The following SPAG16 variants were observed in gnomAD, a reference collection of about 807,000 sequenced individuals.
SPAG16 encodes the protein sperm-associated antigen 16 protein.
In SPAG16, 86 loss-of-function variants were observed where a neutral mutation model predicts 80.4. That is an observed-to-expected ratio of 1.07 (90% CI 0.90 to 1.28). The LOEUF (loss-of-function observed/expected upper bound fraction) is 1.28. Among genes scored for constraint, SPAG16 ranks in the 50% most tolerant of loss-of-function variants. The probability of loss-of-function intolerance (pLI) is 0.00; values close to 1 mark genes in which losing one functional copy is unlikely to be tolerated. For missense variants in SPAG16, 870 were observed against 765.3 expected (o/e 1.14, Z -1.61); for synonymous variants, 294 against 265.9 (o/e 1.11, Z -1.03).
chr2:214,095,835 C>T (rs1281722121), intron 13 of SPAG16, among the ~76,000 whole-genome samples: 1 of 151,972 alleles, frequency 6.6e-6, no homozygotes, highest in Non-Finnish European at 1.5e-5. Flanking sequence ...TAAGATAGTA[C>T]ATCTCTTGTG....
chr2:213,371,724 A>T lies in SPAG16; in HGVS notation c.833-3286A>T, dbSNP rs571220730. Among the ~76,000 whole-genome samples, 257 of 152,172 alleles carry T rather than the reference A, an allele frequency of 1.7e-3. 1 individual carries two copies. The highest frequency in any genetic ancestry group is 5.8e-3 in the African/African-American group (241 of 41,542). ...AGACACATTAATTGTTATTTAATCT[A>T]AATTTAGGGAATAAGATGCAAATTG... On this transcript the variant is annotated intron_variant, in intron 8 of 15. Transcript: ENST00000331683.
chr2:214,112,250 A>T (rs2053702867), intron 14 of SPAG16, among the ~76,000 whole-genome samples: 1 of 152,138 alleles, frequency 6.6e-6, no homozygotes, highest in Admixed American at 6.5e-5. Flanking sequence ...CCATTTTAGA[A>T]TAAGTGCGAT....
intron 10 of SPAG16, among the ~76,000 whole-genome samples, chr2:213,702,164 A>G (rs2065463431): frequency 6.6e-6 from 1 of 152,168 alleles, no homozygotes; most frequent in Non-Finnish European, 1.5e-5. Flanking sequence ...AGCTCTCTGT[A>G]AAACGGACCA....
intron 10 of SPAG16, among the ~76,000 whole-genome samples, chr2:213,756,597 T>C (rs1343663579): frequency 6.6e-6 from 1 of 152,228 alleles, no homozygotes; most frequent in Non-Finnish European, 1.5e-5. Context: ...TGCTTGTCTA[T>C]AGCCACTGCA....
intron 5 of SPAG16, among the ~76,000 whole-genome samples, chr2:213,319,473 A>T (rs1355934963): frequency 6.6e-6 from 1 of 151,964 alleles, no homozygotes; most frequent in African/African-American, 2.4e-5. Context: ...GTGTATGATG[A>T]TTCAGAAGAA....
intron 7 of SPAG16, among the ~76,000 whole-genome samples, chr2:213,352,030 G>A (rs919081944): frequency 6.6e-6 from 1 of 151,966 alleles, no homozygotes; most frequent in Non-Finnish European, 1.5e-5. Context: ...GGTTGTATAA[G>A]CGTCTGGCAT....
At chr2:213,768,540 A>G (rs1415552793) in intron 10 of SPAG16, among the ~76,000 whole-genome samples, 1 of 152,202 alleles carries the variant, frequency 6.6e-6, no homozygotes, top group Non-Finnish European at 1.5e-5. Flanking sequence ...GTGACTGGGT[A>G]TGGAAGGTGT....
chr2:213,456,413 G>T (rs1299540231), intron 9 of SPAG16, among the ~76,000 whole-genome samples: 2 of 152,120 alleles, frequency 1.3e-5, no homozygotes, highest in East Asian at 3.8e-4. Flanking sequence ...AGTTTCAATG[G>T]CTAACAAGTG....
chr2:214,065,788 C>T (rs1310955938), intron 13 of SPAG16, among the ~76,000 whole-genome samples: 2 of 152,150 alleles, frequency 1.3e-5, no homozygotes, highest in African/African-American at 4.8e-5. Context: ...ATGAGCCTCT[C>T]ATTCTTCTCC....
chr2:213,929,258 C>A (rs1242054569), intron 11 of SPAG16, among the ~76,000 whole-genome samples: 2 of 152,010 alleles, frequency 1.3e-5, no homozygotes, highest in Non-Finnish European at 2.9e-5. Context: ...AGGCGATTCG[C>A]CTGCCTCGGC....
intron 12 of SPAG16, among the ~76,000 whole-genome samples, chr2:214,006,734 T>C (rs1312037409): frequency 6.6e-6 from 1 of 152,254 alleles, no homozygotes; most frequent in Non-Finnish European, 1.5e-5. Flanking sequence ...TGAATGGGCC[T>C]TCCTTCTCTG....
At chr2:214,121,344 A>G (rs977304168) in intron 14 of SPAG16, among the ~76,000 whole-genome samples, 1 of 151,824 alleles carries the variant, frequency 6.6e-6, no homozygotes, top group African/African-American at 2.4e-5. Flanking sequence ...GCTGCAAACT[A>G]AAGTTATTTA....
chr2:213,864,742 A>G (rs1166177586), intron 11 of SPAG16, among the ~76,000 whole-genome samples: 1 of 152,126 alleles, frequency 6.6e-6, no homozygotes, highest in Non-Finnish European at 1.5e-5. Flanking sequence ...TATCTTCTGC[A>G]ATGATGACAT....
At chr2:213,914,765 G>C (rs758213970) in intron 11 of SPAG16, among the ~76,000 whole-genome samples, 5 of 152,106 alleles carry the variant, frequency 3.3e-5, no homozygotes, top group Non-Finnish European at 7.4e-5. Context: ...TCATAAGCTT[G>C]TTGGCCACAT....
intron 15 of SPAG16, among the ~76,000 whole-genome samples, chr2:214,342,810 T>C (rs746088043): frequency 4.6e-5 from 7 of 152,194 alleles, no homozygotes; most frequent in Non-Finnish European, 8.8e-5. Flanking sequence ...CTATTTGGCC[T>C]ATTATTAAAC....
intron 15 of SPAG16, among the ~76,000 whole-genome samples, chr2:214,278,598 T>C (rs1692656144): frequency 6.6e-6 from 1 of 152,138 alleles, no homozygotes. Flanking sequence ...CTTATAAATC[T>C]TGATATTTTT....
intron 5 of SPAG16, among the ~76,000 whole-genome samples, chr2:213,338,198 C>T (rs2064480393): frequency 6.6e-6 from 1 of 152,188 alleles, no homozygotes; most frequent in South Asian, 2.1e-4. Context: ...GCCTGCCTTG[C>T]AAGCACTCCT....
chr2:214,252,763 CGT>C (rs1170226645), intron 15 of SPAG16, among the ~76,000 whole-genome samples: 3 of 152,166 alleles, frequency 2.0e-5, no homozygotes, highest in Non-Finnish European at 4.4e-5. Context: ...CATAAGTGTG[CGT>C]GTGTCTTTAT....
intron 10 of SPAG16, among the ~76,000 whole-genome samples, chr2:213,798,595 A>T (rs1252390122): frequency 6.6e-6 from 1 of 152,122 alleles, no homozygotes; most frequent in African/African-American, 2.4e-5. Flanking sequence ...TTAAATTCTG[A>T]TGAAGCCTAG....
Sources: allele counts gnomAD v4.1 joint callset (sites outside exome capture counted in the v4.1 genomes callset), GRCh38; gene constraint gnomAD v4.1.1; transcripts MANE v1.5; gene names NCBI Gene and HGNC (gene_info 2026-07-23, HGNC 2026-07-21).